Variants in AGBL4 observed in about 807,000 individuals in gnomAD.
The protein encoded by AGBL4 is AGBL carboxypeptidase 4, also known as cytosolic carboxypeptidase 6.
In AGBL4, 58 loss-of-function variants were observed where a neutral mutation model predicts 66.4. The observed-to-expected ratio is 0.87, with a 90% CI of 0.71 to 1.09. The LOEUF (loss-of-function observed/expected upper bound fraction) is 1.09, where lower values mean the gene tolerates loss of function less well. Among genes scored for constraint, AGBL4 ranks in the 50% least tolerant of loss-of-function variants. The probability of loss-of-function intolerance (pLI) is 0.00; values close to 1 mark genes in which losing one functional copy is unlikely to be tolerated. For missense variants in AGBL4, 579 were observed against 631.0 expected (o/e 0.92, Z 0.88); for synonymous variants, 234 against 222.9 (o/e 1.05, Z -0.44).
chr1:49,670,485 C>G (rs1157909404), intron 3 of AGBL4, among the ~76,000 whole-genome samples: 2 of 152,092 alleles, frequency 1.3e-5, no homozygotes, highest in South Asian at 2.1e-4. Flanking sequence ...TATGACAGAA[C>G]AGAAATTTAA....
intron 2 of AGBL4, among the ~76,000 whole-genome samples, chr1:49,840,517 T>A (rs1645964455): frequency 6.6e-6 from 1 of 152,220 alleles, no homozygotes; most frequent in African/African-American, 2.4e-5. Context: ...TAACTCATTC[T>A]ATGAAGCCAC....
rs375602043 is a variant in AGBL4 at position 48,965,420 on chromosome 1, G to C, written c.594+80164C>G. Among the ~76,000 whole-genome samples, 68 of 152,280 alleles carry C rather than the reference G, an allele frequency of 4.5e-4. 1 individual carries two copies. In the South Asian group the frequency reaches 9.5e-3, roughly 21 times the overall value. On this transcript the variant is annotated intron_variant, in intron 5 of 13. Coordinates refer to ENST00000371839, the MANE Select transcript of AGBL4 (RefSeq NM_032785.4). Reference sequence around the variant, plus strand: ...AGGAAAAACACAAAAAGGACTCAGAGACCTGCAATTAAAATTAAAGTACAT... The same window carrying C: ...AGGAAAAACACAAAAAGGACTCAGACACCTGCAATTAAAATTAAAGTACAT...
rs1481070689 is a variant in AGBL4, at chr1:48,615,244, T to C, written c.951+19249A>G. On this transcript the variant is annotated intron_variant, in intron 9 of 13. Coordinates refer to ENST00000371839, the MANE Select transcript of AGBL4 (RefSeq NM_032785.4). ...AGAGAGATGAGTCTGAATCTTTGAA[T>C]ACCAAACTGGGAAGTCTTACCCCTG... Among the ~76,000 whole-genome samples, 4 of 152,182 alleles carry C rather than the reference T, an allele frequency of 2.6e-5. No individual in the cohort carries two copies. In the South Asian group the frequency reaches 6.2e-4, roughly 24 times the overall value.
intron 6 of AGBL4, among the ~76,000 whole-genome samples, chr1:48,863,685 T>A (rs1647705406): frequency 6.6e-6 from 1 of 152,114 alleles, no homozygotes; most frequent in Non-Finnish European, 1.5e-5. Context: ...ATGACAGATG[T>A]GTAATTACTA....
chr1:48,589,940 A>G (rs1644885761), intron 10 of AGBL4, among the ~76,000 whole-genome samples: 1 of 152,170 alleles, frequency 6.6e-6, no homozygotes, highest in South Asian at 2.1e-4. Context: ...TTTCTTGTTA[A>G]TGCTGGAGTC....
At chr1:49,959,750 T>C (rs1010997184) in intron 1 of AGBL4, among the ~76,000 whole-genome samples, 1 of 152,108 alleles carries the variant, frequency 6.6e-6, no homozygotes, top group Non-Finnish European at 1.5e-5. Context: ...ATTGCAACAC[T>C]ATTCACAATA....
intron 5 of AGBL4, among the ~76,000 whole-genome samples, chr1:49,027,493 A>T (rs568699074): frequency 6.7e-4 from 102 of 152,210 alleles, no homozygotes; most frequent in Non-Finnish European, 1.3e-3. Context: ...AATCATTTGA[A>T]GTCATTTAAA....
intron 3 of AGBL4, among the ~76,000 whole-genome samples, chr1:49,683,552 T>A (rs952635637): frequency 1.3e-5 from 2 of 152,094 alleles, no homozygotes; most frequent in African/African-American, 4.8e-5. Flanking sequence ...AAGGAACACA[T>A]GACACATCAA....
At chr1:49,983,976 C>T (rs1659297490) in intron 1 of AGBL4, among the ~76,000 whole-genome samples, 1 of 152,152 alleles carries the variant, frequency 6.6e-6, no homozygotes, top group Non-Finnish European at 1.5e-5. Context: ...GGTTTAGACA[C>T]AACTGACTGG....
rs377333041 is a variant in AGBL4 at position 48,685,062 on chromosome 1, A to ACATGGTG, written c.635-21828_635-21822dup. On this transcript the variant is annotated intron_variant, in intron 6 of 13. Coordinates refer to ENST00000371839, the MANE Select transcript of AGBL4 (RefSeq NM_032785.4). ...TCTGGAGATATAGGCTGAGGCAGAG[A>ACATGGTG]CATGGTGCATGGTGCACACGGCCTG... Among the ~76,000 whole-genome samples, 1,277 of 152,284 alleles carry ACATGGTG rather than the reference A, an allele frequency of 8.4e-3. 10 individuals are homozygous for ACATGGTG. Among genetic ancestry groups the ACATGGTG allele is most frequent in the African/African-American group, 0.027 (1,104 of 41,566 alleles).
chr1:49,517,164 A>G (rs1431161927), intron 3 of AGBL4, among the ~76,000 whole-genome samples: 1 of 151,758 alleles, frequency 6.6e-6, no homozygotes, highest in Non-Finnish European at 1.5e-5. Context: ...ATGAAGGGCA[A>G]TTTGGACTGT....
chr1:48,547,344 T>C (rs1644180728), intron 11 of AGBL4, among the ~76,000 whole-genome samples: 1 of 151,926 alleles, frequency 6.6e-6, no homozygotes. Flanking sequence ...GCAGTAGAGA[T>C]GGGAAGATGT....
intron 3 of AGBL4, among the ~76,000 whole-genome samples, chr1:49,497,780 C>A (rs1336609082): frequency 6.6e-6 from 1 of 151,930 alleles, no homozygotes; most frequent in African/African-American, 2.4e-5. Context: ...GTTTTCATTA[C>A]TATAACACAT....
chr1:49,737,748 A>C (rs1197382574), intron 2 of AGBL4, among the ~76,000 whole-genome samples: 1 of 152,274 alleles, frequency 6.6e-6, no homozygotes, highest in Non-Finnish European at 1.5e-5. Flanking sequence ...AGAAGGCAGT[A>C]GGATGACATA....
intron 13 of AGBL4, 87 bp downstream of exon 13, chr1:48,534,803 A>C (rs143443655): frequency 5.9e-6 from 8 of 1,354,812 alleles, no homozygotes; most frequent in Non-Finnish European, 8.2e-6. Flanking sequence ...TAACATAACA[A>C]GGCTGCCAGA....
intron 3 of AGBL4, among the ~76,000 whole-genome samples, chr1:49,667,355 G>A (rs1202278599): frequency 6.6e-6 from 1 of 152,098 alleles, no homozygotes; most frequent in Non-Finnish European, 1.5e-5. Context: ...CTATTTGGGA[G>A]GCTGAGGTGG....
At chr1:49,702,705 A>G (rs1410305409) in intron 2 of AGBL4, among the ~76,000 whole-genome samples, 2 of 152,292 alleles carry the variant, frequency 1.3e-5, no homozygotes, top group South Asian at 2.1e-4. Flanking sequence ...TCAAAGAAAT[A>G]CTAACAAACT....
chr1:49,293,674 T>C (rs1644587642), intron 3 of AGBL4, among the ~76,000 whole-genome samples: 1 of 152,234 alleles, frequency 6.6e-6, no homozygotes, highest in Non-Finnish European at 1.5e-5. Flanking sequence ...TTAGAAATTT[T>C]ATAATATCTC....
chr1:49,608,466 G>A (rs1007712891), intron 3 of AGBL4, among the ~76,000 whole-genome samples: 1 of 152,122 alleles, frequency 6.6e-6, no homozygotes, highest in Non-Finnish European at 1.5e-5. Flanking sequence ...ACCTCCACTG[G>A]AGAAAGACTG....
Sources: gnomAD v4.1 joint callset for allele counts (sites outside exome capture counted in the v4.1 genomes callset) on GRCh38, gnomAD v4.1.1 for gene constraint, MANE v1.5 for transcripts, NCBI Gene and HGNC (gene_info 2026-07-23, HGNC 2026-07-21) for gene names.